Variants in OSMR observed in about 807,000 individuals in gnomAD.
OSMR encodes the protein oncostatin M receptor.
OSMR carries 81 observed loss-of-function variants against 99.9 expected under a neutral mutation model. That is an observed-to-expected ratio of 0.81 (90% CI 0.68 to 0.97). The LOEUF is 0.97. Among genes scored for constraint, OSMR ranks in the 50% least tolerant of loss-of-function variants. OSMR has a pLI of 0.00. For synonymous variants in OSMR, 406 were observed against 410.4 expected, an observed-to-expected ratio of 0.99 and a Z score of 0.13; for missense variants, 1,099 against 1,153.4, an observed-to-expected ratio of 0.95 and a Z score of 0.68.
chr5:38,852,516 T>TAC (rs936192423), intron 1 of OSMR, among the ~76,000 whole-genome samples: 16 of 151,708 alleles, frequency 1.1e-4, no homozygotes, highest in African/African-American at 2.7e-4. Flanking sequence ...TACACAGACA[T>TAC]ACACACACAC....
At chr5:38,849,521 G>A (rs1051008564) in intron 1 of OSMR, among the ~76,000 whole-genome samples, 2 of 149,558 alleles carry the variant, frequency 1.3e-5, no homozygotes, top group African/African-American at 2.5e-5. Flanking sequence ...TAGCTTTATA[G>A]TGTTTTTGAA....
At chr5:38,853,669 A>T (rs1261313669) in intron 1 of OSMR, among the ~76,000 whole-genome samples, 1 of 151,982 alleles carries the variant, frequency 6.6e-6, no homozygotes, top group Non-Finnish European at 1.5e-5. Context: ...TCATTTTTTT[A>T]TTTGGCTTCA....
intron 1 of OSMR, among the ~76,000 whole-genome samples, chr5:38,855,326 T>C (rs1054992678): frequency 1.1e-4 from 16 of 152,198 alleles, no homozygotes; most frequent in African/African-American, 3.9e-4. Context: ...GATGCCTGAA[T>C]GTATATGCCT....
intron 10 of OSMR, 114 bp from the exon 11 acceptor site, chr5:38,918,726 T>G (rs1397301026): frequency 6.5e-7 from 1 of 1,526,920 alleles, no homozygotes; most frequent in African/African-American, 1.4e-5. Context: ...CTGTTTGAAT[T>G]TTCTGGTGTG....
chr5:38,882,368 A>T (rs894387872), intron 4 of OSMR, among the ~76,000 whole-genome samples: 2 of 152,334 alleles, frequency 1.3e-5, no homozygotes, highest in Non-Finnish European at 2.9e-5. Flanking sequence ...TGAGGTCAGG[A>T]GTTCAAGACC....
At chr5:38,869,265 C>A in intron 2 of OSMR, 148 bp downstream of exon 2, 1 of 760,314 alleles carries the variant, frequency 1.3e-6, no homozygotes, top group Non-Finnish European at 2.4e-6. Context: ...TTGTCAATCT[C>A]TCTAAGCAGT....
intron 1 of OSMR, among the ~76,000 whole-genome samples, chr5:38,850,009 C>A (rs1740229235): frequency 6.6e-6 from 1 of 152,098 alleles, no homozygotes; most frequent in Non-Finnish European, 1.5e-5. Context: ...TTGCAGAGTG[C>A]CCTATTGGTA....
chr5:38,895,409 A>G (rs1299418501), intron 7 of OSMR, among the ~76,000 whole-genome samples: 1 of 152,070 alleles, frequency 6.6e-6, no homozygotes, highest in Non-Finnish European at 1.5e-5. Context: ...GCACTTTTTC[A>G]TATGCCTGTT....
chr5:38,883,434 T>A (rs1743454689), intron 4 of OSMR, among the ~76,000 whole-genome samples: 1 of 152,240 alleles, frequency 6.6e-6, no homozygotes, highest in Admixed American at 6.5e-5. Context: ...TTTGGCTAAG[T>A]CTTACCTGAC....
In OSMR at chr5:38,924,598, G is replaced by A. The variant is rs1481973396; in HGVS notation, c.2044+3G>A. The A allele has an allele frequency of 1.3e-6, 2 of 1,599,146 alleles. No individual in the cohort carries two copies. The highest frequency in any genetic ancestry group is 1.3e-5 in the African/African-American group (1 of 74,638). ...ATTTGAAAAGGCAGTTCTTTCAGGT[G>A]ACATCTATTTTTAATTTGTTTATTT... On this transcript the variant is annotated splice_donor_region_variant and intron_variant, in intron 14 of 17. Transcript: ENST00000274276.
chr5:38,847,623 G>C (rs1161224115), intron 1 of OSMR, among the ~76,000 whole-genome samples: 2 of 152,178 alleles, frequency 1.3e-5, no homozygotes, highest in Non-Finnish European at 2.9e-5. Flanking sequence ...AGCTTTCAAA[G>C]CATCAAACTC....
chr5:38,921,553 C>T (rs922087087), intron 11 of OSMR, 62 bp from the exon 12 acceptor site: 2 of 1,611,396 alleles, frequency 1.2e-6, no homozygotes, highest in Non-Finnish European at 1.7e-6. Flanking sequence ...TTCTACCTTA[C>T]ACACTTAAAA....
At chr5:38,937,354 A>G (rs7728294), downstream of OSMR, among the ~76,000 whole-genome samples, 976 of 152,322 alleles carry the variant, frequency 6.4e-3, 14 homozygotes, top group African/African-American at 0.023. This position sits in a 1 kb window ranked among gnomAD's most constrained non-coding sequence, Gnocchi z 4.0. Context: ...TATATTTTCA[A>G]TGACATACAC....
chr5:38,852,076 A>G (rs1273853956), intron 1 of OSMR, among the ~76,000 whole-genome samples: 2 of 152,194 alleles, frequency 1.3e-5, no homozygotes, highest in Admixed American at 1.3e-4. Flanking sequence ...ACAAACTAAT[A>G]CATTCACTCA....
At chr5:38,875,184 T>G (rs1482116915) in intron 2 of OSMR, among the ~76,000 whole-genome samples, 1 of 152,254 alleles carries the variant, frequency 6.6e-6, no homozygotes, top group Non-Finnish European at 1.5e-5. Flanking sequence ...CGATGCAGGC[T>G]TTATCTTTTC....
intron 11 of OSMR, 170 bp downstream of exon 11, chr5:38,919,232 A>C (rs1746105610): frequency 2.0e-6 from 3 of 1,526,548 alleles, no homozygotes; most frequent in Non-Finnish European, 2.6e-6. Flanking sequence ...TCAGTGGGAC[A>C]GTCCCCTCAG....
intron 14 of OSMR, 196 bp from the exon 15 acceptor site, chr5:38,925,008 T>TTTA: frequency 1.1e-6 from 1 of 908,850 alleles, no homozygotes. Flanking sequence ...TTTTTTGCTT[T>TTTA]TTGTGCCATC....
At position 38,932,958 on chromosome 5, in the gene OSMR, A is replaced by G; in HGVS notation, c.2454A>G (p.Ile818Met). The change falls in exon 18 of 18, where the codon ATA becomes ATG. Residue 818 changes from isoleucine to methionine, a missense_variant. By Grantham distance (10) the Ile-to-Met change is conservative. Coordinates refer to ENST00000274276, the MANE Select transcript of OSMR (RefSeq NM_003999.3). Reference protein sequence around the residue: ...EVVSKPEGTKIQFLGTRKSLT... With the variant: ...EVVSKPEGTKMQFLGTRKSLT... ...TAAGCAAGCCAGAAGGGACAAAGAT[A>G]CAGTTCCTAGGCACTAGGAAGTCAC... 1.9e-6 allele frequency: 3 copies of G among 1,614,206 alleles called. No individual in the cohort carries two copies. The highest frequency in any genetic ancestry group is 2.5e-6 in the Non-Finnish European group (3 of 1,180,022).
chr5:38,923,009 C>T, intron 12 of OSMR, 141 bp from the exon 13 acceptor site: 1 of 894,528 alleles, frequency 1.1e-6, no homozygotes, highest in Non-Finnish European at 1.7e-6. Context: ...CTCCTGGCCT[C>T]AAGTGATCCG....
Sources: gnomAD v4.1 joint callset for allele counts (sites outside exome capture counted in the v4.1 genomes callset) on GRCh38, gnomAD v4.1.1 for gene constraint, Gnocchi (gnomAD v3.1) non-coding constraint, MANE v1.5 for transcripts, NCBI Gene and HGNC (gene_info 2026-07-23, HGNC 2026-07-21) for gene names.